The following UPRT variants were observed in gnomAD, a reference collection of about 807,000 sequenced individuals.
The protein encoded by UPRT is RP11-311P8.3.
Under a neutral mutation model 22.6 loss-of-function variants are expected in UPRT, and 5 were observed. The observed-to-expected ratio is 0.22, with a 90% confidence interval of 0.12 to 0.47. The LOEUF is 0.47. Among genes scored for constraint, UPRT ranks in the 20% least tolerant of loss-of-function variants. UPRT has a pLI of 0.99. For missense variants in UPRT, 181 were observed against 239.9 expected (o/e 0.75, Z 1.62); for synonymous variants, 77 against 87.7 (o/e 0.88, Z 0.68).
intron 4 of UPRT, among the ~76,000 whole-genome samples, chrX:75,200,735 A>G (rs762399893): frequency 9.0e-6 from 1 of 111,229 alleles, no homozygotes; most frequent in South Asian, 3.9e-4. Flanking sequence ...GCGGATTGCC[A>G]GAGCCCAGCC....
At chrX:75,236,327 T>C (rs1440154533) in intron 4 of UPRT, among the ~76,000 whole-genome samples, 1 of 111,847 alleles carries the variant, frequency 8.9e-6, no homozygotes, top group African/African-American at 3.3e-5. Context: ...GAACATTCCA[T>C]GCTCATGGGT....
At position 75,183,572 on chromosome X, in the gene UPRT, GT is replaced by G. The variant is rs756271045; in HGVS notation, c.-447+15695del. On this transcript the variant is annotated intron_variant, in intron 4 of 13. Transcript: ENST00000652605. ...ATGGCTGGGTCAAATGGTATTTCTA[GT>G]TCTAGATCCTTGAGGAATCGCCACA... 1.3e-4 allele frequency among the ~76,000 whole-genome samples: 15 copies of G among 111,819 alleles called. No individual in the cohort carries two copies. The East Asian group carries it at 4.2e-3, about 32-fold the overall frequency.
Position 75,244,446 on chromosome X carries a change from C to T in UPRT, c.-446-46578C>T, listed in dbSNP as rs999391150. Among the ~76,000 whole-genome samples, 6 of 111,634 alleles carry T rather than the reference C, an allele frequency of 5.4e-5. No individual in the cohort carries two copies. In the Admixed American group the frequency reaches 5.8e-4, roughly 11 times the overall value. On this transcript the variant is annotated intron_variant, in intron 4 of 13. Coordinates refer to the UPRT transcript ENST00000652605. Reference sequence around the variant, plus strand: ...AGTTTCATATGGAACTGAAAAAGAGCCAGAGTACCCAAGGCAATCTTAAGC... The same window carrying T: ...AGTTTCATATGGAACTGAAAAAGAGTCAGAGTACCCAAGGCAATCTTAAGC...
intron 4 of UPRT, among the ~76,000 whole-genome samples, chrX:75,205,226 C>T (rs1390182693): frequency 6.5e-5 from 7 of 107,749 alleles, no homozygotes; most frequent in Non-Finnish European, 1.3e-4. Context: ...AAAAATTAGC[C>T]GGGCGCGGTG....
At chrX:75,265,166 G>A (rs903686410) in intron 4 of UPRT, among the ~76,000 whole-genome samples, 142 of 110,834 alleles carry the variant, frequency 1.3e-3, no homozygotes, top group Non-Finnish European at 2.4e-3. Flanking sequence ...TCTTGGAGTT[G>A]CTCTTCTCGA....
chrX:75,298,052 C>T (rs1041540891), intron 4 of UPRT, among the ~76,000 whole-genome samples: 2 of 106,892 alleles, frequency 1.9e-5, no homozygotes, highest in African/African-American at 3.4e-5. Flanking sequence ...GATCATAGCT[C>T]GCTGTAACCT....
At chrX:75,194,177 A>G (rs187021825) in intron 4 of UPRT, among the ~76,000 whole-genome samples, 4 of 111,631 alleles carry the variant, frequency 3.6e-5, no homozygotes, top group East Asian at 5.6e-4. Context: ...TGGTTGTGGT[A>G]TAAGGTGGGT....
intron 4 of UPRT, among the ~76,000 whole-genome samples, chrX:75,247,552 G>A (rs180939265): frequency 3.3e-3 from 375 of 112,218 alleles, no homozygotes; most frequent in Middle Eastern, 0.023. Context: ...AGATATTGCC[G>A]AGGCTTGACT....
chrX:75,205,075 T>C (rs1372111176), intron 4 of UPRT, among the ~76,000 whole-genome samples: 2 of 111,074 alleles, frequency 1.8e-5, no homozygotes, highest in Non-Finnish European at 3.8e-5. Flanking sequence ...AAACAAGGTA[T>C]AAGAGAAGAT....
chrX:75,233,773 C>T (rs2082448793), intron 4 of UPRT, among the ~76,000 whole-genome samples: 1 of 111,016 alleles, frequency 9.0e-6, no homozygotes, highest in South Asian at 3.9e-4. Context: ...CCTAAAAGAG[C>T]TCCTGAAGGA....
At chrX:75,232,122 C>A (rs1483270703) in intron 4 of UPRT, among the ~76,000 whole-genome samples, 4 of 112,359 alleles carry the variant, frequency 3.6e-5, no homozygotes, top group Non-Finnish European at 7.5e-5. Context: ...CATTGCCTCA[C>A]TTGGGAAGGG....
intron 4 of UPRT, among the ~76,000 whole-genome samples, chrX:75,171,605 A>T (rs1367278932): frequency 9.3e-6 from 1 of 108,028 alleles, no homozygotes; most frequent in Non-Finnish European, 1.9e-5. Flanking sequence ...GTTTGGATCC[A>T]TTGCTGGTGA....
intron 4 of UPRT, among the ~76,000 whole-genome samples, chrX:75,267,385 T>C (rs185895027): frequency 3.6e-5 from 4 of 111,038 alleles, no homozygotes; most frequent in Admixed American, 1.9e-4. Context: ...ATGAGAACAC[T>C]TGGACATGGG....
chrX:75,255,269 G>GA (rs1000802693), intron 4 of UPRT, among the ~76,000 whole-genome samples: 3 of 111,016 alleles, frequency 2.7e-5, no homozygotes, highest in African/African-American at 9.8e-5. Context: ...CTTTATATAT[G>GA]AAAAAAAGAT....
At chrX:75,294,616 T>C (rs1470875112) in intron 2 of UPRT, 2 of 978,990 alleles carry the variant, frequency 2.0e-6, no homozygotes, top group African/African-American at 3.9e-5. Context: ...GTTCTGCTTT[T>C]CATCGTAAGT....
chrX:75,218,173 A>G (rs2082398984), intron 4 of UPRT, among the ~76,000 whole-genome samples: 1 of 111,761 alleles, frequency 8.9e-6, no homozygotes, highest in African/African-American at 3.3e-5. Flanking sequence ...TCTACAATGA[A>G]CTCAAACAAA....
At chrX:75,244,530 C>T in intron 4 of UPRT, among the ~76,000 whole-genome samples, 3 of 111,495 alleles carry the variant, frequency 2.7e-5, no homozygotes, top group Non-Finnish European at 5.7e-5. Flanking sequence ...GCTACAGTAA[C>T]CAAAATAGCA....
At chrX:75,282,011 A>G (rs1156229472) in intron 1 of UPRT, among the ~76,000 whole-genome samples, 4 of 110,383 alleles carry the variant, frequency 3.6e-5, no homozygotes, top group Admixed American at 9.7e-5. Context: ...TATTTTTTTC[A>G]GGAATTTATC....
upstream of UPRT, among the ~76,000 whole-genome samples, chrX:75,269,787 A>C (rs2082602272): frequency 8.9e-6 from 1 of 112,086 alleles, no homozygotes; most frequent in Non-Finnish European, 1.9e-5. Context: ...CACAAGACCT[A>C]AAATCATAAA....
Sources: gnomAD v4.1 joint callset for allele counts (sites outside exome capture counted in the v4.1 genomes callset) on GRCh38, gnomAD v4.1.1 for gene constraint, MANE v1.5 for transcripts, NCBI Gene and HGNC (gene_info 2026-07-23, HGNC 2026-07-21) for gene names.